The following BRD9 variants were observed in gnomAD, a reference collection of about 807,000 sequenced individuals.
BRD9 encodes bromodomain containing 9, also known as bromodomain-containing protein 9.
A neutral mutation model predicts 68.7 loss-of-function variants in BRD9; 47 were observed. That is an observed-to-expected ratio of 0.68 (90% CI 0.54 to 0.87). BRD9 has a LOEUF of 0.87. Among genes scored for constraint, BRD9 ranks in the 40% least tolerant of loss-of-function variants. The probability of loss-of-function intolerance (pLI) is 0.00; values close to 1 mark genes in which losing one functional copy is unlikely to be tolerated. For synonymous variants in BRD9, 313 were observed against 293.9 expected (o/e 1.06, Z -0.67); for missense variants, 670 against 748.4 (o/e 0.90, Z 1.22).
chr5:871,769 T>TC lies in BRD9; in HGVS notation c.1384-206dup, dbSNP rs751841355. 3.3e-5 allele frequency among the ~76,000 whole-genome samples: 5 copies of TC among 152,270 alleles called. No individual in the cohort carries two copies. In the East Asian group the frequency reaches 5.8e-4, roughly 18 times the overall value. ...ACTGACCCAACCACGCCCAGCCCCCTCCTCAGCGCCAGGATTGTGTGCCGG... is the reference window on the plus strand; with the variant it reads ...ACTGACCCAACCACGCCCAGCCCCCTCCCTCAGCGCCAGGATTGTGTGCCGG... On this transcript the variant is annotated intron_variant, in intron 12 of 15. Coordinates refer to ENST00000467963, the MANE Select transcript of BRD9 (RefSeq NM_023924.5).
chr5:886,213 G>C (rs1391400266), intron 7 of BRD9, among the ~76,000 whole-genome samples: 2 of 152,242 alleles, frequency 1.3e-5, no homozygotes, highest in Non-Finnish European at 2.9e-5. Context: ...TGCCAATGCT[G>C]GCTGCCCAAA....
At chr5:892,533 TC>T (rs1753618706) in intron 1 of BRD9, 72 bp downstream of exon 1, 27 of 1,509,314 alleles carry the variant, frequency 1.8e-5, no homozygotes, top group Non-Finnish European at 2.4e-5. Flanking sequence ...AGGACCCCCG[TC>T]CGCGTGCCCG....
intron 11 of BRD9, 127 bp downstream of exon 11, chr5:878,228 A>C (rs922824174): frequency 7.3e-7 from 1 of 1,360,614 alleles, no homozygotes; most frequent in Non-Finnish European, 1.0e-6. Context: ...GGGAAGACCC[A>C]GGCTGCCATA....
intron 12 of BRD9, among the ~76,000 whole-genome samples, chr5:874,740 C>T (rs1750653732): frequency 6.6e-6 from 1 of 152,230 alleles, no homozygotes; most frequent in Non-Finnish European, 1.5e-5. Context: ...AAGTGATGAG[C>T]AGCGCGGGAC....
chr5:891,766 G>A lies in BRD9; in HGVS notation c.141C>T (p.His47=). 1 of 1,551,538 alleles carries A rather than the reference G, an allele frequency of 6.4e-7. No individual in the cohort carries two copies. Among genetic ancestry groups the A allele is most frequent in the Middle Eastern group, 1.7e-4 (1 of 5,992 alleles). ...SEVTELSGSG[H]DSSYYDDRSD... ...ACCTGTCATCATAGTAACTGGAGTCGTGGCCGGATCCTGAGAGTTCAGTCA... is the reference window on the plus strand; with the variant it reads ...ACCTGTCATCATAGTAACTGGAGTCATGGCCGGATCCTGAGAGTTCAGTCA... The change falls in exon 2 of 16, where the codon CAC becomes CAT. Residue 47 remains histidine, a synonymous_variant. Transcript: ENST00000467963.
chr5:888,928 A>C, intron 5 of BRD9, 93 bp downstream of exon 5: 2 of 1,365,522 alleles, frequency 1.5e-6, no homozygotes, highest in Non-Finnish European at 2.0e-6. Context: ...GAAAGCTCAA[A>C]AACTAGAAAT....
intron 4 of BRD9, 146 bp from the exon 5 acceptor site, chr5:889,311 G>A (rs969888807): frequency 3.0e-6 from 3 of 985,226 alleles, no homozygotes; most frequent in African/African-American, 1.7e-5. Flanking sequence ...TATTGTGATA[G>A]GTATTTCAGA....
chr5:873,626 G>A (rs1430902638), intron 12 of BRD9, among the ~76,000 whole-genome samples: 1 of 152,198 alleles, frequency 6.6e-6, no homozygotes, highest in African/African-American at 2.4e-5. Context: ...AGTGGGGGAG[G>A]CCAGGATTTA....
At chr5:889,274 T>A in intron 4 of BRD9, 109 bp from the exon 5 acceptor site, 1 of 1,218,224 alleles carries the variant, frequency 8.2e-7, no homozygotes, top group Non-Finnish European at 1.1e-6. Context: ...TTCTTAAAAA[T>A]AAAAAAGTTA....
chr5:873,042 G>C (rs1183785633), intron 12 of BRD9, among the ~76,000 whole-genome samples: 3 of 152,146 alleles, frequency 2.0e-5, no homozygotes, highest in Non-Finnish European at 4.4e-5. Flanking sequence ...GCGCATGCCT[G>C]TAATCCCAGC....
intron 3 of BRD9, 84 bp downstream of exon 3, chr5:891,071 C>A: frequency 6.9e-7 from 1 of 1,443,106 alleles, no homozygotes; most frequent in Non-Finnish European, 9.2e-7. Flanking sequence ...TGCTTCTCCC[C>A]AAAGCAACAG....
intron 11 of BRD9, among the ~76,000 whole-genome samples, chr5:877,033 C>T (rs914502894): frequency 6.6e-6 from 1 of 152,252 alleles, no homozygotes; most frequent in Non-Finnish European, 1.5e-5. Flanking sequence ...GTTGCCCCTG[C>T]AGCCACAAGG....
chr5:889,629 G>C lies in BRD9; in HGVS notation c.419C>G (p.Pro140Arg). 6.2e-7 allele frequency: 1 copy of C among 1,613,590 alleles called. No individual in the cohort carries two copies. Among genetic ancestry groups the C allele is most frequent in the Non-Finnish European group, 8.5e-7 (1 of 1,179,758 alleles). ...GAAGTGTTCCAGGAGTTGCTGAATA[G>C]GTGTGCTCTCATTTTCGGCTGACAA... Reference protein sequence around the residue: ...RTQPAENESTPIQQLLEHFLR... With the variant: ...RTQPAENESTRIQQLLEHFLR... The change falls in exon 4 of 16, where the codon CCT becomes CGT. Residue 140 changes from proline (P) to arginine (R), a missense_variant. By Grantham distance (103) the Pro-to-Arg change is moderately radical. Around this residue, in one of 5 missense-constraint regions of BRD9, gnomAD observed 94 missense variants for 157.2 expected, o/e 0.60. Coordinates refer to ENST00000467963, the MANE Select transcript of BRD9 (RefSeq NM_023924.5).
At chr5:888,243 T>C (rs981214679) in intron 5 of BRD9, 1 of 152,400 alleles carries the variant, frequency 6.6e-6, no homozygotes, top group East Asian at 1.9e-4. Context: ...ACTTTGTTGC[T>C]AGGAATGGCC....
intron 11 of BRD9, among the ~76,000 whole-genome samples, chr5:876,760 C>G (rs779905515): frequency 6.6e-6 from 1 of 152,216 alleles, no homozygotes. Context: ...GCAAGCGCCT[C>G]AGAAGGGCTC....
chr5:883,103 C>T, intron 8 of BRD9: 1 of 359,978 alleles, frequency 2.8e-6, no homozygotes, highest in Non-Finnish European at 5.4e-6. Flanking sequence ...GTGAGCCACG[C>T]AGACCGCAAC....
chr5:886,907 G>A (rs1752652922), intron 6 of BRD9, 200 bp from the exon 7 acceptor site: 6 of 934,196 alleles, frequency 6.4e-6, no homozygotes, highest in Non-Finnish European at 9.3e-6. Flanking sequence ...GCGGGAGGTG[G>A]TTGTGGGGGC....
chr5:876,984 G>C (rs926637966), intron 11 of BRD9, among the ~76,000 whole-genome samples: 6 of 152,242 alleles, frequency 3.9e-5, no homozygotes, highest in African/African-American at 1.4e-4. Context: ...ATGGGACCAC[G>C]TAGCCTCATG....
chr5:870,514 T>G lies in BRD9; in HGVS notation c.1484A>C (p.Tyr495Ser). The G allele has an allele frequency of 1.2e-6, 2 of 1,614,242 alleles. No homozygotes were observed. Among genetic ancestry groups the G allele is most frequent in the Non-Finnish European group, 1.7e-6 (2 of 1,180,046 alleles). The change falls in exon 14 of 16, where the codon TAT becomes TCT. Residue 495 changes from tyrosine to serine, a missense_variant. Physicochemically the swap from Tyr to Ser is moderately radical, Grantham distance 144 (BLOSUM62 -2). Transcript: ENST00000467963. Reference sequence around the variant, plus strand: ...GGAGATATCCACAGAAACGTCGGGATAGGACTTCATCGACATGAACTCCAG... The same window carrying G: ...GGAGATATCCACAGAAACGTCGGGAGAGGACTTCATCGACATGAACTCCAG... ...SVLEFMSMKS[Y>S]PDVSVDISML...
Sources: gnomAD v4.1 joint callset for allele counts (sites outside exome capture counted in the v4.1 genomes callset) on GRCh38, gnomAD v4.1.1 for gene constraint, gnomAD v4.1.1 regional missense constraint, MANE v1.5 for transcripts, NCBI Gene and HGNC (gene_info 2026-07-23, HGNC 2026-07-21) for gene names.